Variants in DBT observed in about 807,000 individuals in gnomAD.
DBT encodes the protein lipoamide acyltransferase component of branched-chain alpha-keto acid dehydrogenase complex, mitochondrial.
A neutral mutation model predicts 51.3 loss-of-function variants in DBT; 40 were observed. The observed-to-expected ratio is 0.78, with a 90% CI of 0.61 to 1.02. The LOEUF (loss-of-function observed/expected upper bound fraction) is 1.02, where lower values mean the gene tolerates loss of function less well. Among genes scored for constraint, DBT ranks in the 50% least tolerant of loss-of-function variants. The probability of loss-of-function intolerance (pLI) is 0.00; values close to 1 mark genes in which losing one functional copy is unlikely to be tolerated. For synonymous variants in DBT, 181 were observed against 190.4 expected (o/e 0.95, Z 0.41); for missense variants, 510 against 580.2 (o/e 0.88, Z 1.24).
chr1:100,216,333 T>C (rs746085818), intron 5 of DBT, 134 bp from the exon 6 acceptor site: 5 of 699,650 alleles, frequency 7.1e-6, no homozygotes, highest in Non-Finnish European at 1.2e-5. Context: ...AACCTTTTCA[T>C]TTTCTACTTA....
rs779334816 is a variant in DBT at position 100,240,752 on chromosome 1, C to G, written c.175+9G>C. The G allele has an allele frequency of 6.3e-7, 1 of 1,589,684 alleles. No individual in the cohort carries two copies. Among genetic ancestry groups the G allele is most frequent in the African/African-American group, 1.3e-5 (1 of 74,334 alleles). On this transcript the variant is annotated intron_variant, in intron 2 of 10. Transcript: ENST00000370132. Reference sequence around the variant, plus strand: ...TATTTTATACACGTTATTTTGAAATCATACTTACCAGCAGTTGTTTTCAGG... The same window carrying G: ...TATTTTATACACGTTATTTTGAAATGATACTTACCAGCAGTTGTTTTCAGG...
chr1:100,204,818 T>C (rs191041612), intron 10 of DBT, among the ~76,000 whole-genome samples: 13 of 152,310 alleles, frequency 8.5e-5, no homozygotes, highest in Admixed American at 7.2e-4. Context: ...ACAACCCATC[T>C]GATCTTTGAC....
chr1:100,225,052 TACACACACAC>T lies in DBT; in HGVS notation c.433+5671_433+5680del, dbSNP rs71084808. 4.4e-3 allele frequency among the ~76,000 whole-genome samples: 351 copies of T among 79,054 alleles called. 48 individuals carry two copies. The highest frequency in any genetic ancestry group is 0.013 in the Middle Eastern group (2 of 156). 51.9% of individuals were successfully genotyped at this position (79,054 alleles called of 152,430 possible). On this transcript the variant is annotated intron_variant, in intron 4 of 10. Transcript: ENST00000370132. ...AAAAAAAAAAAAAAAAATATATATA[TACACACACAC>T]ACACACACACACACACACACACACA...
In DBT at chr1:100,191,937, TTCA is replaced by T. The variant is rs1660833408; in HGVS notation, c.*4315_*4317del. 1 of 151,782 alleles carries T rather than the reference TTCA, an allele frequency of 6.6e-6. No individual in the cohort carries two copies. The highest frequency in any genetic ancestry group is 6.6e-5 in the Admixed American group (1 of 15,218). The allele number at this position is 151,782 out of a possible 1,614,324, so 9.4% of individuals were successfully genotyped here. ...TAGGTGGCACACAGGTGCATGTCAC[TTCA>T]TCGGCCTAATTTTTTTTTTTTTTGG... is the stretch of plus-strand genomic sequence containing the variant. On this transcript the variant is annotated 3_prime_UTR_variant, in exon 11 of 11. Transcript: ENST00000370132.
At chr1:100,204,202 C>T (rs1232788938) in intron 10 of DBT, among the ~76,000 whole-genome samples, 6 of 152,250 alleles carry the variant, frequency 3.9e-5, no homozygotes, top group South Asian at 2.1e-4. Flanking sequence ...ATTTAGAAAA[C>T]CCCATCGGCT....
Position 100,194,703 on chromosome 1 carries a change from T to A in DBT, c.*1552A>T, listed in dbSNP as rs1660994991. 6.6e-6 allele frequency: 1 copy of A among 152,318 alleles called. No homozygotes were observed. Among genetic ancestry groups the A allele is most frequent in the Non-Finnish European group, 1.5e-5 (1 of 68,120 alleles). 9.4% of individuals were successfully genotyped at this position (152,318 alleles called of 1,614,324 possible). The stretch of plus-strand genomic sequence containing the variant: ...TATGTTGCCCAGGCTGGTCTCAAAC[T>A]CCTGGCCTCAAGTGATCCTCCTGCT... On this transcript the variant is annotated 3_prime_UTR_variant, in exon 11 of 11. Transcript: ENST00000370132.
At chr1:100,209,383 A>G (rs1231808361) in intron 8 of DBT, among the ~76,000 whole-genome samples, 1 of 151,892 alleles carries the variant, frequency 6.6e-6, no homozygotes, top group East Asian at 1.9e-4. Context: ...TACAGGCAGG[A>G]GCCACCACAC....
In DBT at chr1:100,196,005, A is replaced by C; in HGVS notation, c.*250T>G. 1 of 514,586 alleles carries C rather than the reference A, an allele frequency of 1.9e-6. No homozygotes were observed. Among genetic ancestry groups the C allele is most frequent in the East Asian group, 3.5e-5 (1 of 28,554 alleles). The allele number at this position is 514,586 out of a possible 1,614,324, so 31.9% of individuals were successfully genotyped here. A position where few individuals can be genotyped will look rare whatever the true frequency, so the allele number is the denominator to read the frequency against. On this transcript the variant is annotated 3_prime_UTR_variant, in exon 11 of 11. Coordinates refer to ENST00000370132, the MANE Select transcript of DBT (RefSeq NM_001918.5). ...TGCCAGTTTCAAGCCATTGACACAAAAACATCAGCACCATATTAAGAAGTC... is the reference window on the plus strand; with the variant it reads ...TGCCAGTTTCAAGCCATTGACACAACAACATCAGCACCATATTAAGAAGTC...
At position 100,189,872 on chromosome 1, in the gene DBT, T is replaced by A. The variant is rs570214334; in HGVS notation, c.*6383A>T. ...GGCAGCACTATCCAATAGAATTTTC[T>A]GTGATGATGGAAACAGTCTACATCT... On this transcript the variant is annotated 3_prime_UTR_variant, in exon 11 of 11. Transcript: ENST00000370132. 1.3e-5 allele frequency: 2 copies of A among 152,210 alleles called. No homozygotes were observed. Among genetic ancestry groups the A allele is most frequent in the Non-Finnish European group, 2.9e-5 (2 of 68,048 alleles). The allele number at this position is 152,210 out of a possible 1,614,324, so 9.4% of individuals were successfully genotyped here.
chr1:100,238,841 A>C (rs544364259), intron 2 of DBT, among the ~76,000 whole-genome samples: 65 of 152,276 alleles, frequency 4.3e-4, no homozygotes, highest in African/African-American at 1.5e-3. Flanking sequence ...CAGATTCACA[A>C]GTCTTCAATG....
At chr1:100,201,133 T>A (rs1661408337) in intron 10 of DBT, among the ~76,000 whole-genome samples, 1 of 151,952 alleles carries the variant, frequency 6.6e-6, no homozygotes, top group African/African-American at 2.4e-5. Flanking sequence ...TCTAACCCAA[T>A]GCAAGGAAGC....
rs903456830 is a variant in DBT at position 100,192,572 on chromosome 1, TTTGAGTGGGAAGC to T, written c.*3670_*3682del. The T allele has an allele frequency of 5.3e-5, 8 of 152,226 alleles. No homozygotes were observed. Among genetic ancestry groups the T allele is most frequent in the African/African-American group, 1.9e-4 (8 of 41,450 alleles). 9.4% of individuals were successfully genotyped at this position (152,226 alleles called of 1,614,324 possible). A position where few individuals can be genotyped will look rare whatever the true frequency, so the allele number is the denominator to read the frequency against. The stretch of plus-strand genomic sequence containing the variant: ...CCATCAAGTGATTTTGGGGATCCAC[TTTGAGTGGGAAGC>T]CATGAGAAATGCCCAAACAAGCCAG... On this transcript the variant is annotated 3_prime_UTR_variant, in exon 11 of 11. Transcript: ENST00000370132.
intron 1 of DBT, among the ~76,000 whole-genome samples, chr1:100,248,160 G>A (rs1317636516): frequency 6.6e-6 from 1 of 151,384 alleles, no homozygotes; most frequent in Non-Finnish European, 1.5e-5. Context: ...CCGGGGCCAT[G>A]TAACACAGTT....
At chr1:100,200,855 A>G (rs941907844) in intron 10 of DBT, among the ~76,000 whole-genome samples, 1 of 152,216 alleles carries the variant, frequency 6.6e-6, no homozygotes, top group African/African-American at 2.4e-5. Context: ...AGAAAGGAAT[A>G]GTATCAACAT....
At chr1:100,227,971 G>A (rs545534437) in intron 4 of DBT, among the ~76,000 whole-genome samples, 98 of 152,116 alleles carry the variant, frequency 6.4e-4, no homozygotes, top group Admixed American at 3.6e-3. Context: ...TCAGCCTCCC[G>A]AGTAGGTGAG....
At chr1:100,234,084 G>A (rs1241700383) in intron 3 of DBT, among the ~76,000 whole-genome samples, 1 of 152,150 alleles carries the variant, frequency 6.6e-6, no homozygotes, top group Non-Finnish European at 1.5e-5. Context: ...CTAATTAAAT[G>A]AGGAAGAAAG....
chr1:100,189,718 A>G lies in DBT; in HGVS notation c.*6537T>C, dbSNP rs1468059017. 1 of 152,196 alleles carries G rather than the reference A, an allele frequency of 6.6e-6. No individual in the cohort carries two copies. The highest frequency in any genetic ancestry group is 1.5e-5 in the Non-Finnish European group (1 of 68,026). The allele number at this position is 152,196 out of a possible 1,614,324, so 9.4% of individuals were successfully genotyped here. The stretch of plus-strand genomic sequence containing the variant: ...CATTTAGTGGCAGTCAGAGGTAACA[A>G]TATAAGAAAAGCATTCTGAGTCTTC... On this transcript the variant is annotated 3_prime_UTR_variant, in exon 11 of 11. Transcript: ENST00000370132.
At chr1:100,235,347 C>T in intron 3 of DBT, 89 bp downstream of exon 3, 2 of 676,736 alleles carry the variant, frequency 3.0e-6, no homozygotes, top group South Asian at 1.8e-5. Flanking sequence ...TGGATTCCCA[C>T]TATCCATTAA....
Position 100,195,931 on chromosome 1 carries a change from C to T in DBT, c.*324G>A. ...CCGCCCACCTGGGCCTCCCAAAGTG[C>T]TGGGATTACAGGCGTGAGCCACCAT... On this transcript the variant is annotated 3_prime_UTR_variant, in exon 11 of 11. Coordinates refer to ENST00000370132, the MANE Select transcript of DBT (RefSeq NM_001918.5). 1 of 332,668 alleles carries T rather than the reference C, an allele frequency of 3.0e-6. No individual in the cohort carries two copies. The highest frequency in any genetic ancestry group is 5.7e-6 in the Non-Finnish European group (1 of 174,542). The allele number at this position is 332,668 out of a possible 1,614,324, so 20.6% of individuals were successfully genotyped here.
Sources: gnomAD v4.1 joint callset for allele counts (sites outside exome capture counted in the v4.1 genomes callset) on GRCh38, gnomAD v4.1.1 for gene constraint, MANE v1.5 for transcripts, NCBI Gene and HGNC (gene_info 2026-07-23, HGNC 2026-07-21) for gene names.